The following GRAMD2A variants were observed in gnomAD, a reference collection of about 807,000 sequenced individuals.
The protein encoded by GRAMD2A is GRAM domain-containing protein 2A.
A neutral mutation model predicts 51.1 loss-of-function variants in GRAMD2A; 37 were observed. The ratio of observed to expected loss-of-function variants is 0.72; its 90% CI spans 0.56 to 0.95. GRAMD2A has a LOEUF of 0.95. GRAMD2A is among the 40% of genes least tolerant of loss of function. GRAMD2A has a pLI of 0.00. For missense variants in GRAMD2A, 414 were observed against 426.9 expected (o/e 0.97, Z 0.27); for synonymous variants, 136 against 157.1 (o/e 0.87, Z 1.01).
Position 72,165,377 on chromosome 15 carries a change from A to T in GRAMD2A, c.577T>A (p.Phe193Ile), listed in dbSNP as rs1161765689. ...SSKKSLSVRE[F>I]SGEPESLEVL... ...ACCAGAGACTCAGGTTCCCCTGAAA[A>T]TTCTCTTACACTCAGACTCTTCTTG... The change falls in exon 8 of 12, where the codon TTT (phenylalanine) becomes ATT (isoleucine). Residue 193 changes from phenylalanine (F) to isoleucine (I), a missense_variant. Coordinates refer to ENST00000309731, the MANE Select transcript of GRAMD2A (RefSeq NM_001012642.3). 2.5e-6 allele frequency: 4 copies of T among 1,613,956 alleles called. No homozygotes were observed. Among genetic ancestry groups the T allele is most frequent in the Non-Finnish European group, 3.4e-6 (4 of 1,180,022 alleles).
At chr15:72,188,586 A>G (rs2081748858) in intron 1 of GRAMD2A, among the ~76,000 whole-genome samples, 1 of 152,216 alleles carries the variant, frequency 6.6e-6, no homozygotes, top group South Asian at 2.1e-4. Context: ...ATATGTAGAA[A>G]GATGCTCACT....
At position 72,162,380 on chromosome 15, in the gene GRAMD2A, G is replaced by C; in HGVS notation, c.957-3C>G. 6.3e-7 allele frequency: 1 copy of C among 1,598,288 alleles called. No individual in the cohort carries two copies. Among genetic ancestry groups the C allele is most frequent in the South Asian group, 1.1e-5 (1 of 90,492 alleles). On this transcript the variant is annotated splice_region_variant and splice_polypyrimidine_tract_variant and intron_variant, in intron 10 of 11. Coordinates refer to ENST00000309731, the MANE Select transcript of GRAMD2A (RefSeq NM_001012642.3). The stretch of plus-strand genomic sequence containing the variant: ...AGGACATGACCAGGAAGCAGATCCT[G>C]AAGAAAGCGGCAATACGGAGTTAAA...
In GRAMD2A at chr15:72,161,989, G is replaced by C. The variant is rs970951827; in HGVS notation, c.*20C>G. On this transcript the variant is annotated 3_prime_UTR_variant, in exon 12 of 12. Coordinates refer to ENST00000309731, the MANE Select transcript of GRAMD2A (RefSeq NM_001012642.3). ...AACATTCTTCTTGGAGAAGGAATGG[G>C]GACAAAGGCCAAGTGGCTGTTACCT... 1.2e-6 allele frequency: 2 copies of C among 1,613,760 alleles called. No individual in the cohort carries two copies. The highest frequency in any genetic ancestry group is 2.7e-5 in the African/African-American group (2 of 74,924).
intron 1 of GRAMD2A, 85 bp downstream of exon 1, chr15:72,197,646 G>C: frequency 9.1e-7 from 1 of 1,101,758 alleles, no homozygotes; most frequent in Non-Finnish European, 1.1e-6. Flanking sequence ...CGCGGCCCCA[G>C]GAGCCGTCCT....
chr15:72,169,164 TA>T, intron 2 of GRAMD2A, 168 bp from the exon 3 acceptor site: 1 of 655,488 alleles, frequency 1.5e-6, no homozygotes, highest in East Asian at 2.7e-5. Flanking sequence ...AGCACACAGC[TA>T]AACTATACAG....
chr15:72,196,583 C>T (rs1419405802), intron 1 of GRAMD2A, among the ~76,000 whole-genome samples: 1 of 152,030 alleles, frequency 6.6e-6, no homozygotes, highest in East Asian at 1.9e-4. Flanking sequence ...TAGACACCCT[C>T]TATTCTACCT....
intron 10 of GRAMD2A, chr15:72,162,768 T>TG (rs1475262438): frequency 9.3e-6 from 2 of 215,026 alleles, no homozygotes; most frequent in Middle Eastern, 1.9e-3. Context: ...CTGATGTTGA[T>TG]GGTCAAAACC....
intron 1 of GRAMD2A, 99 bp downstream of exon 1, chr15:72,197,632 T>C (rs1325195852): frequency 2.0e-6 from 2 of 988,606 alleles, no homozygotes; most frequent in Non-Finnish European, 2.6e-6. Flanking sequence ...ACGCGCCGAG[T>C]TGCCGCGGCC....
rs566105420 is a variant in GRAMD2A at position 72,166,388 on chromosome 15, C to T, written c.543+244G>A. Among the ~76,000 whole-genome samples the T allele has an allele frequency of 1.3e-5, 2 of 152,242 alleles. No individual in the cohort carries two copies. Among genetic ancestry groups the T allele is most frequent in the South Asian group, 2.1e-4 (1 of 4,822 alleles). On this transcript the variant is annotated intron_variant, in intron 7 of 11. Transcript: ENST00000309731. This position sits in a 1 kb window ranked among gnomAD's most constrained non-coding sequence, Gnocchi z 4.1. ...TTGATGGGTTCATGGGACATAAGCC[C>T]ATGAACAAGGAGCATCTGTATATGG...
intron 1 of GRAMD2A, among the ~76,000 whole-genome samples, chr15:72,178,782 G>A (rs2081674844): frequency 6.6e-6 from 1 of 151,818 alleles, no homozygotes; most frequent in Non-Finnish European, 1.5e-5. Flanking sequence ...CACCGTGTTA[G>A]CCAGGATGGT....
rs888954947 is a variant in GRAMD2A, at chr15:72,163,396, T to A, written c.826A>T (p.Lys276Ter). 7 of 1,614,146 alleles carry A rather than the reference T, an allele frequency of 4.3e-6. No homozygotes were observed. The highest frequency in any genetic ancestry group is 1.7e-5 in the Admixed American group (1 of 60,024). ...PMPGWGPACP[K>*]KMPNCSPTAK... ...GTGGGAGAGCAGTTCGGCATCTTCT[T>A]AGGGCAGGCAGGACCCCAGCCTGGC... is the stretch of plus-strand genomic sequence containing the variant. The change falls in exon 10 of 12, where the codon AAG (lysine) becomes TAG (stop). Residue 276 changes from lysine to a stop codon, truncating the protein, a stop_gained. Transcript: ENST00000309731. LOFTEE classifies it high-confidence loss of function.
chr15:72,183,296 C>A (rs1392773302), intron 1 of GRAMD2A, among the ~76,000 whole-genome samples: 1 of 149,036 alleles, frequency 6.7e-6, no homozygotes, highest in Non-Finnish European at 1.5e-5. Context: ...GTGGGCAGAT[C>A]ACATGGTCAG....
intron 1 of GRAMD2A, among the ~76,000 whole-genome samples, chr15:72,178,820 C>T (rs576295486): frequency 6.6e-6 from 1 of 151,976 alleles, no homozygotes; most frequent in African/African-American, 2.4e-5. Context: ...GTGATCCGCC[C>T]GCCTCGGCCT....
rs913959648 is a variant in GRAMD2A at position 72,166,211 on chromosome 15, A to T, written c.543+421T>A. On this transcript the variant is annotated intron_variant, in intron 7 of 11. Coordinates refer to ENST00000309731, the MANE Select transcript of GRAMD2A (RefSeq NM_001012642.3). This position sits in a 1 kb window ranked among gnomAD's most constrained non-coding sequence, Gnocchi z 4.1. ...TATATAAGATGTTCCACACTTTATT[A>T]TAAAACAGGCTTTGCCTGAGATGCT... Among the ~76,000 whole-genome samples the T allele has an allele frequency of 1.3e-5, 2 of 152,272 alleles. No individual in the cohort carries two copies. Among genetic ancestry groups the T allele is most frequent in the African/African-American group, 2.4e-5 (1 of 41,468 alleles).
In GRAMD2A at chr15:72,168,819, A is replaced by C. The variant is rs1056321802; in HGVS notation, c.192+120T>G. The C allele has an allele frequency of 1.5e-5, 14 of 914,348 alleles. No homozygotes were observed. In the Admixed American group the frequency reaches 2.4e-4, roughly 15 times the overall value. 56.6% of individuals were successfully genotyped at this position (914,348 alleles called of 1,614,324 possible). On this transcript the variant is annotated intron_variant, in intron 3 of 11. Transcript: ENST00000309731. ...TACTCCCACCCAGGAAGGGATACAC[A>C]CTCAGGTCTCCTGATTTCCTGATGA...
rs760799676 is a variant in GRAMD2A, at chr15:72,165,363, A to G, written c.591T>C (p.Pro197=). 6.2e-7 allele frequency: 1 copy of G among 1,613,984 alleles called. No individual in the cohort carries two copies. Among genetic ancestry groups the G allele is most frequent in the Non-Finnish European group, 8.5e-7 (1 of 1,179,918 alleles). Residue 197 remains proline, a synonymous_variant, in exon 8 of 12, where the codon CCT becomes CCC. Transcript: ENST00000309731. Reference sequence around the variant, plus strand: ...CAGCTTCAGCTCTCACCAGAGACTCAGGTTCCCCTGAAAATTCTCTTACAC... The same window carrying G: ...CAGCTTCAGCTCTCACCAGAGACTCGGGTTCCCCTGAAAATTCTCTTACAC... ...SLSVREFSGE[P]ESLEVLIPEM...
chr15:72,169,842 C>A lies in GRAMD2A; in HGVS notation c.134+5G>T. 2 of 1,609,222 alleles carry A rather than the reference C, an allele frequency of 1.2e-6. No individual in the cohort carries two copies. Among genetic ancestry groups the A allele is most frequent in the Non-Finnish European group, 8.5e-7 (1 of 1,175,472 alleles). Reference sequence around the variant, plus strand: ...TGTATCTATGACTGGGAAAGGGGTCCTCACCTGTAGTCCGGGGGCTCCTCA... The same window carrying A: ...TGTATCTATGACTGGGAAAGGGGTCATCACCTGTAGTCCGGGGGCTCCTCA... On this transcript the variant is annotated splice_donor_5th_base_variant and intron_variant, in intron 2 of 11. Coordinates refer to ENST00000309731, the MANE Select transcript of GRAMD2A (RefSeq NM_001012642.3).
At position 72,170,237 on chromosome 15, in the gene GRAMD2A, G is replaced by A. The variant is rs2081595920; in HGVS notation, c.42-298C>T. On this transcript the variant is annotated intron_variant, in intron 1 of 11. Transcript: ENST00000309731. The surrounding 1 kb of genome is among the most constrained non-coding windows in gnomAD (Gnocchi z 4.5). ...CATCTCCAGTGCCAGGCAGCTCGTAGGCCAGGCTGAGTGAGGCCTCTAGCC... is the reference window on the plus strand; with the variant it reads ...CATCTCCAGTGCCAGGCAGCTCGTAAGCCAGGCTGAGTGAGGCCTCTAGCC... The A allele has an allele frequency of 1.9e-6, 1 of 540,064 alleles. No homozygotes were observed. Among genetic ancestry groups the A allele is most frequent in the Non-Finnish European group, 3.5e-6 (1 of 282,204 alleles). The allele number at this position is 540,064 out of a possible 1,614,324, so 33.5% of individuals were successfully genotyped here.
Position 72,166,514 on chromosome 15 carries a change from C to T in GRAMD2A, c.543+118G>A. 1 of 746,786 alleles carries T rather than the reference C, an allele frequency of 1.3e-6. No homozygotes were observed. The highest frequency in any genetic ancestry group is 2.4e-6 in the Non-Finnish European group (1 of 416,298). The allele number at this position is 746,786 out of a possible 1,614,324, so 46.3% of individuals were successfully genotyped here. On this transcript the variant is annotated intron_variant, in intron 7 of 11. Transcript: ENST00000309731. This position sits in a 1 kb window ranked among gnomAD's most constrained non-coding sequence, Gnocchi z 4.1. ...CATTGAGCCTGAGCCTTTAACTCCC[C>T]TCTCCCTGCCCCATTCCCTGTGCTG...
Sources: gnomAD v4.1 joint callset for allele counts (sites outside exome capture counted in the v4.1 genomes callset) on GRCh38, gnomAD v4.1.1 for gene constraint, Gnocchi (gnomAD v3.1) non-coding constraint, MANE v1.5 for transcripts, NCBI Gene and HGNC (gene_info 2026-07-23, HGNC 2026-07-21) for gene names.